MGAT4C: variants seen among roughly 807,000 people sequenced by gnomAD.
The protein encoded by MGAT4C is MGAT4 family member C, also known as alpha-1,3-mannosyl-glycoprotein 4-beta-N-acetylglucosaminyltransferase C.
MGAT4C carries 19 observed loss-of-function variants against 40.1 expected under a neutral mutation model. The ratio of observed to expected loss-of-function variants is 0.47; its 90% CI spans 0.33 to 0.70. MGAT4C has a LOEUF of 0.70. MGAT4C is among the 30% of genes least tolerant of loss of function. The pLI, the probability that MGAT4C is intolerant of heterozygous loss-of-function variation, is 0.02. For synonymous variants in MGAT4C, 181 were observed against 187.1 expected (o/e 0.97, Z 0.27); for missense variants, 491 against 563.2 (o/e 0.87, Z 1.30).
At chr12:86,624,813 G>T (rs1962750029) in intron 2 of MGAT4C, among the ~76,000 whole-genome samples, 2 of 152,074 alleles carry the variant, frequency 1.3e-5, no homozygotes, top group Non-Finnish European at 2.9e-5. Context: ...AATAAAAGTT[G>T]TCCATTAAGA....
chr12:85,955,798 A>G lies in MGAT4C; in HGVS notation c.*23491T>C, dbSNP rs534583810. 1 of 152,210 alleles carries G rather than the reference A, an allele frequency of 6.6e-6. No homozygotes were observed. The highest frequency in any genetic ancestry group is 2.1e-4 in the South Asian group (1 of 4,832). The allele number at this position is 152,210 out of a possible 1,614,324, so 9.4% of individuals were successfully genotyped here. A position where few individuals can be genotyped will look rare whatever the true frequency, so the allele number is the denominator to read the frequency against. On this transcript the variant is annotated 3_prime_UTR_variant, in exon 5 of 5. Transcript: ENST00000611864. ...AAGCCATCAAGCATACTGGTTCACC[A>G]TGTTGCAGACTTTAAAAAAATACAG...
At chr12:86,511,606 C>A (rs1231001979) in intron 2 of MGAT4C, among the ~76,000 whole-genome samples, 1 of 152,034 alleles carries the variant, frequency 6.6e-6, no homozygotes, top group Non-Finnish European at 1.5e-5. Context: ...CACAAATATA[C>A]AGTCAACTGA....
At chr12:86,139,495 G>T (rs1284629721) in intron 1 of MGAT4C, among the ~76,000 whole-genome samples, 3 of 151,624 alleles carry the variant, frequency 2.0e-5, no homozygotes, top group Non-Finnish European at 2.9e-5. Flanking sequence ...TATGTTATAT[G>T]AATCTTTTTT....
At chr12:86,517,050 A>G (rs1433222721) in intron 2 of MGAT4C, among the ~76,000 whole-genome samples, 2 of 152,192 alleles carry the variant, frequency 1.3e-5, no homozygotes, top group Admixed American at 6.5e-5. Context: ...AAGTGTTAGC[A>G]AGGATGTGGA....
At chr12:86,789,818 T>C (rs775741179) in intron 1 of MGAT4C, among the ~76,000 whole-genome samples, 4 of 152,174 alleles carry the variant, frequency 2.6e-5, no homozygotes, top group Admixed American at 2.0e-4. Flanking sequence ...GATTAACTTA[T>C]AACTTTACAA....
At chr12:86,836,482 C>T (rs1566024017) in intron 1 of MGAT4C, among the ~76,000 whole-genome samples, 1 of 151,800 alleles carries the variant, frequency 6.6e-6, no homozygotes, top group Non-Finnish European at 1.5e-5. Flanking sequence ...TTAACGACAA[C>T]TAATAAAATG....
intron 2 of MGAT4C, among the ~76,000 whole-genome samples, chr12:86,611,377 A>T (rs1347528698): frequency 6.6e-6 from 1 of 151,472 alleles, no homozygotes; most frequent in African/African-American, 2.4e-5. Flanking sequence ...AAACAGATAG[A>T]GGTCCCATAG....
At chr12:86,672,987 C>A (rs1395689186) in intron 2 of MGAT4C, among the ~76,000 whole-genome samples, 1 of 151,984 alleles carries the variant, frequency 6.6e-6, no homozygotes, top group East Asian at 1.9e-4. Context: ...AAATAATTAG[C>A]TTTTCTTATC....
At chr12:86,574,586 G>A (rs1023760429) in intron 2 of MGAT4C, among the ~76,000 whole-genome samples, 1 of 151,690 alleles carries the variant, frequency 6.6e-6, no homozygotes, top group African/African-American at 2.4e-5. Flanking sequence ...ATATATGGAT[G>A]CATGATTAAA....
chr12:86,741,022 C>A (rs1360872189), intron 1 of MGAT4C, among the ~76,000 whole-genome samples: 1 of 150,732 alleles, frequency 6.6e-6, no homozygotes, highest in African/African-American at 2.4e-5. Context: ...ATCTAGTAGT[C>A]CACATTGTCT....
chr12:85,960,813 TC>T lies in MGAT4C; in HGVS notation c.*18475del, dbSNP rs1369728540. On this transcript the variant is annotated 3_prime_UTR_variant, in exon 5 of 5. Coordinates refer to ENST00000611864, the MANE Select transcript of MGAT4C (RefSeq NM_001351288.2). ...ACCAAAAAAAAATTTGATATGAAAG[TC>T]ATACATTGAAAAAATTCACTCTTAC... 6.6e-6 allele frequency: 1 copy of T among 151,948 alleles called. No homozygotes were observed. The highest frequency in any genetic ancestry group is 1.5e-5 in the Non-Finnish European group (1 of 67,864). The allele number at this position is 151,948 out of a possible 1,614,324, so 9.4% of individuals were successfully genotyped here.
intron 2 of MGAT4C, among the ~76,000 whole-genome samples, chr12:86,508,365 A>G (rs1336503992): frequency 6.6e-6 from 1 of 152,298 alleles, no homozygotes; most frequent in East Asian, 1.9e-4. Context: ...AATTTCATCC[A>G]TGTCCCTACA....
chr12:86,162,401 C>A (rs1201223968), intron 1 of MGAT4C, among the ~76,000 whole-genome samples: 2 of 151,998 alleles, frequency 1.3e-5, no homozygotes, highest in African/African-American at 4.8e-5. Context: ...GAAGAGAAAT[C>A]CAAATACCAC....
rs375195179 is a variant in MGAT4C, at chr12:86,163,630, T to C, written c.-57+92609A>G. On this transcript the variant is annotated intron_variant, in intron 1 of 4. Transcript: ENST00000611864. ...TAAATCCATGTTATCACTAGATCAG[T>C]CTTTTAAATAAAATTACTGCTTTAA... is the stretch of plus-strand genomic sequence containing the variant. 1.6e-4 allele frequency among the ~76,000 whole-genome samples: 25 copies of C among 152,314 alleles called. 1 individual carries two copies. Among genetic ancestry groups the C allele is most frequent in the African/African-American group, 6.0e-4 (25 of 41,578 alleles).
chr12:86,287,175 C>A (rs539059969), intron 4 of MGAT4C, among the ~76,000 whole-genome samples: 56 of 151,984 alleles, frequency 3.7e-4, no homozygotes, highest in Non-Finnish European at 6.5e-4. Flanking sequence ...TTTCCCAAAG[C>A]GGTGAACTAA....
intron 3 of MGAT4C, among the ~76,000 whole-genome samples, chr12:86,372,202 T>A (rs188908708): frequency 6.6e-6 from 1 of 152,034 alleles, no homozygotes; most frequent in East Asian, 1.9e-4. Context: ...TTATTATTTT[T>A]AATATGACAT....
chr12:86,576,020 T>C (rs1960544469), intron 2 of MGAT4C, among the ~76,000 whole-genome samples: 1 of 151,920 alleles, frequency 6.6e-6, no homozygotes, highest in African/African-American at 2.4e-5. Flanking sequence ...ATGTAAGCCA[T>C]TTTAACTGGG....
intron 1 of MGAT4C, among the ~76,000 whole-genome samples, chr12:86,246,136 T>C (rs1482232430): frequency 6.6e-6 from 1 of 151,040 alleles, no homozygotes; most frequent in Non-Finnish European, 1.5e-5. Flanking sequence ...GTTTAAGAGC[T>C]CTTCTATTTA....
intron 1 of MGAT4C, among the ~76,000 whole-genome samples, chr12:86,078,166 A>T (rs575100184): frequency 6.6e-6 from 1 of 152,192 alleles, no homozygotes; most frequent in Non-Finnish European, 1.5e-5. Context: ...AATATTATAT[A>T]TTGGATGCTG....
Sources: allele counts gnomAD v4.1 joint callset (sites outside exome capture counted in the v4.1 genomes callset), GRCh38; gene constraint gnomAD v4.1.1; transcripts MANE v1.5; gene names NCBI Gene and HGNC (gene_info 2026-07-23, HGNC 2026-07-21).